Variants in CNTNAP2 observed in about 807,000 individuals in gnomAD.
CNTNAP2 encodes contactin-associated protein-like 2.
CNTNAP2 carries 98 observed loss-of-function variants against 155.2 expected under a neutral mutation model. The observed-to-expected ratio is 0.63, with a 90% CI of 0.54 to 0.75. CNTNAP2 has a LOEUF of 0.75. CNTNAP2 is among the 30% of genes least tolerant of loss of function. CNTNAP2 has a pLI of 0.00. For synonymous variants in CNTNAP2, 651 were observed against 631.2 expected (o/e 1.03, Z -0.47); for missense variants, 1,727 against 1,688.1 (o/e 1.02, Z -0.40).
intron 1 of CNTNAP2, among the ~76,000 whole-genome samples, chr7:146,493,471 T>C (rs1797168950): frequency 6.6e-6 from 1 of 152,184 alleles, no homozygotes; most frequent in Non-Finnish European, 1.5e-5. Flanking sequence ...ATTTCTGTTG[T>C]TAAGGTGATG....
At chr7:147,242,898 C>T (rs1026752203) in intron 8 of CNTNAP2, among the ~76,000 whole-genome samples, 2 of 148,826 alleles carry the variant, frequency 1.3e-5, no homozygotes, top group African/African-American at 5.0e-5. Context: ...GATCTTTTTT[C>T]AGGCTACCAT....
Position 147,279,698 on chromosome 7 carries a change from G to T in CNTNAP2, c.1349-20443G>T, listed in dbSNP as rs529159509. On this transcript the variant is annotated intron_variant, in intron 8 of 23. Coordinates refer to ENST00000361727, the MANE Select transcript of CNTNAP2 (RefSeq NM_014141.6). The stretch of plus-strand genomic sequence containing the variant: ...GATCCACCAGCTTACTATACACCAG[G>T]CATTGTTAGAATTCTCGTCAGCTCT... 1.8e-4 allele frequency among the ~76,000 whole-genome samples: 28 copies of T among 151,868 alleles called. No individual in the cohort carries two copies. In the South Asian group the frequency reaches 5.6e-3, roughly 30 times the overall value.
At chr7:147,582,629 G>A (rs1173937086) in intron 12 of CNTNAP2, among the ~76,000 whole-genome samples, 1 of 152,050 alleles carries the variant, frequency 6.6e-6, no homozygotes, top group East Asian at 1.9e-4. Flanking sequence ...TATGCCAATA[G>A]TGATTTATCT....
intron 1 of CNTNAP2, among the ~76,000 whole-genome samples, chr7:146,254,576 C>T (rs1799809218): frequency 6.6e-6 from 1 of 152,148 alleles, no homozygotes; most frequent in African/African-American, 2.4e-5. Flanking sequence ...ACGTTATTGG[C>T]AGAGACAGAT....
At chr7:148,165,525 A>G (rs1805638375) in intron 17 of CNTNAP2, among the ~76,000 whole-genome samples, 1 of 152,132 alleles carries the variant, frequency 6.6e-6, no homozygotes, top group Non-Finnish European at 1.5e-5. Flanking sequence ...CCTATACTCA[A>G]TAATAGCAAT....
intron 15 of CNTNAP2, among the ~76,000 whole-genome samples, chr7:148,117,260 G>T (rs146484623): frequency 4.2e-4 from 64 of 152,318 alleles, no homozygotes; most frequent in African/African-American, 1.4e-3. Context: ...CATTTGGTGG[G>T]CTCACTGCCT....
At chr7:147,028,043 C>T (rs969762210) in intron 3 of CNTNAP2, among the ~76,000 whole-genome samples, 1 of 152,148 alleles carries the variant, frequency 6.6e-6, no homozygotes, top group South Asian at 2.1e-4. Flanking sequence ...GGGAATCAGT[C>T]TCCAATATTT....
intron 3 of CNTNAP2, among the ~76,000 whole-genome samples, chr7:146,988,397 C>T (rs1798152964): frequency 6.6e-6 from 1 of 151,976 alleles, no homozygotes; most frequent in African/African-American, 2.4e-5. Context: ...TAATTAGCCA[C>T]TATATAGGTT....
chr7:147,415,690 A>G (rs1277801404), intron 10 of CNTNAP2, among the ~76,000 whole-genome samples: 1 of 152,220 alleles, frequency 6.6e-6, no homozygotes, highest in East Asian at 1.9e-4. Flanking sequence ...CAATACACCA[A>G]GTAAGAACAA....
intron 1 of CNTNAP2, among the ~76,000 whole-genome samples, chr7:146,483,345 A>ATATATAT: frequency 7.4e-6 from 1 of 134,984 alleles, no homozygotes; most frequent in South Asian, 2.4e-4. Flanking sequence ...ATATATATTT[A>ATATATAT]AGCACAGAGT....
intron 3 of CNTNAP2, among the ~76,000 whole-genome samples, chr7:146,943,803 C>G (rs1797103223): frequency 6.6e-6 from 1 of 152,068 alleles, no homozygotes; most frequent in Non-Finnish European, 1.5e-5. Flanking sequence ...TACAGGAGAA[C>G]TGAGAGAAAT....
intron 8 of CNTNAP2, among the ~76,000 whole-genome samples, chr7:147,188,720 A>G (rs952830002): frequency 6.6e-6 from 1 of 152,200 alleles, no homozygotes; most frequent in Non-Finnish European, 1.5e-5. Context: ...GCAGTTAGGT[A>G]ATCTGGATAA....
intron 8 of CNTNAP2, among the ~76,000 whole-genome samples, chr7:147,168,226 C>A (rs1025941227): frequency 5.3e-5 from 8 of 150,722 alleles, no homozygotes; most frequent in African/African-American, 1.9e-4. Flanking sequence ...ATATGCATGT[C>A]ACTTGAAAAT....
At chr7:146,344,275 T>C (rs1794783969) in intron 1 of CNTNAP2, among the ~76,000 whole-genome samples, 2 of 152,166 alleles carry the variant, frequency 1.3e-5, no homozygotes, top group African/African-American at 4.8e-5. Context: ...CATATTATAT[T>C]TACCAAGGTA....
chr7:147,022,592 C>CATACACA (rs1798835629), intron 3 of CNTNAP2, among the ~76,000 whole-genome samples: 2 of 145,740 alleles, frequency 1.4e-5, no homozygotes, highest in Admixed American at 1.4e-4. Context: ...TATATATACA[C>CATACACA]ATACACAAAC....
chr7:146,475,771 A>G (rs1796868297), intron 1 of CNTNAP2, among the ~76,000 whole-genome samples: 1 of 152,206 alleles, frequency 6.6e-6, no homozygotes, highest in African/African-American at 2.4e-5. Flanking sequence ...AACTGACAGT[A>G]TTTGATCATA....
At chr7:147,960,963 G>A (rs1391461744) in intron 14 of CNTNAP2, among the ~76,000 whole-genome samples, 1 of 152,132 alleles carries the variant, frequency 6.6e-6, no homozygotes, top group Non-Finnish European at 1.5e-5. Context: ...CATAGTTGGT[G>A]AAGTTAACTC....
chr7:147,737,799 G>A lies in CNTNAP2; in HGVS notation c.2098+98493G>A, dbSNP rs112227244. Among the ~76,000 whole-genome samples, 1,340 of 152,292 alleles carry A rather than the reference G, an allele frequency of 8.8e-3. 17 individuals are homozygous for A. Among genetic ancestry groups the A allele is most frequent in the Non-Finnish European group, 0.012 (848 of 68,016 alleles). On this transcript the variant is annotated intron_variant, in intron 13 of 23. Transcript: ENST00000361727. ...TGCTAGCAATGAGCGAGGCTCTGTGGGCATAGGACCCTCTGAGCCAGGTGC... is the reference window on the plus strand; with the variant it reads ...TGCTAGCAATGAGCGAGGCTCTGTGAGCATAGGACCCTCTGAGCCAGGTGC...
At chr7:147,869,306 C>T (rs190391555) in intron 13 of CNTNAP2, among the ~76,000 whole-genome samples, 5 of 152,168 alleles carry the variant, frequency 3.3e-5, no homozygotes, top group African/African-American at 7.2e-5. Flanking sequence ...AAGTGCATAT[C>T]GAAGGTATAA....
Sources: gnomAD v4.1 joint callset for allele counts (sites outside exome capture counted in the v4.1 genomes callset) on GRCh38, gnomAD v4.1.1 for gene constraint, MANE v1.5 for transcripts, NCBI Gene and HGNC (gene_info 2026-07-23, HGNC 2026-07-21) for gene names.